Variants in EFCAB11 observed in about 807,000 individuals in gnomAD.
EFCAB11 encodes EF-hand calcium-binding domain-containing protein 11.
In EFCAB11, 14 loss-of-function variants were observed where a neutral mutation model predicts 23.0. The observed-to-expected ratio is 0.61, with a 90% CI of 0.40 to 0.95. The LOEUF (loss-of-function observed/expected upper bound fraction) is 0.95, where lower values mean the gene tolerates loss of function less well. EFCAB11 is among the 40% of genes least tolerant of loss of function. The pLI is 0.00. For missense variants in EFCAB11, 198 were observed against 195.8 expected (o/e 1.01, Z -0.07); for synonymous variants, 65 against 66.6 (o/e 0.98, Z 0.11).
intron 5 of EFCAB11, among the ~76,000 whole-genome samples, chr14:89,904,948 C>A (rs1424410273): frequency 3.3e-5 from 5 of 152,120 alleles, no homozygotes; most frequent in Non-Finnish European, 7.4e-5. Context: ...ACCTAGACCA[C>A]CCCTCAGGTT....
chr14:89,877,531 T>G (rs1359624002), intron 5 of EFCAB11, among the ~76,000 whole-genome samples: 1 of 152,190 alleles, frequency 6.6e-6, no homozygotes, highest in Non-Finnish European at 1.5e-5. Context: ...CTAATACCAT[T>G]TTCCACAATT....
At chr14:89,870,413 T>A (rs1001315878) in intron 5 of EFCAB11, among the ~76,000 whole-genome samples, 10 of 152,096 alleles carry the variant, frequency 6.6e-5, no homozygotes, top group African/African-American at 2.4e-4. Context: ...GGGAAGACAC[T>A]ACCCTCCACT....
At chr14:89,902,293 C>T (rs1458717240) in intron 5 of EFCAB11, among the ~76,000 whole-genome samples, 3 of 152,182 alleles carry the variant, frequency 2.0e-5, no homozygotes, top group Non-Finnish European at 4.4e-5. Context: ...GCAACCCCTT[C>T]CCCATTCAAA....
intron 5 of EFCAB11, among the ~76,000 whole-genome samples, chr14:89,885,695 G>T: frequency 6.9e-6 from 1 of 144,578 alleles, no homozygotes; most frequent in East Asian, 2.0e-4. Flanking sequence ...AAGAGAGAAA[G>T]AGAGAGAAAG....
chr14:89,901,614 A>G (rs1187691047), intron 5 of EFCAB11, among the ~76,000 whole-genome samples: 1 of 152,216 alleles, frequency 6.6e-6, no homozygotes, highest in Non-Finnish European at 1.5e-5. Context: ...GACTTTGTAC[A>G]CTGGGAATGC....
chr14:89,873,195 G>A (rs369969725), intron 5 of EFCAB11, among the ~76,000 whole-genome samples: 3 of 152,122 alleles, frequency 2.0e-5, no homozygotes, highest in Admixed American at 6.5e-5. Context: ...CACATCTTAC[G>A]TGGCGGCAGG....
intron 5 of EFCAB11, among the ~76,000 whole-genome samples, chr14:89,879,161 G>A (rs1888529274): frequency 6.6e-6 from 1 of 151,732 alleles, no homozygotes. Flanking sequence ...TTAAGCTCTG[G>A]TGGACAAACT....
intron 5 of EFCAB11, among the ~76,000 whole-genome samples, chr14:89,835,674 C>A (rs1887056871): frequency 6.7e-6 from 1 of 149,038 alleles, no homozygotes; most frequent in African/African-American, 2.5e-5. Context: ...GTTGCCCAGG[C>A]TGGAGTGCAG....
intron 3 of EFCAB11, among the ~76,000 whole-genome samples, chr14:89,938,530 T>C (rs1306635280): frequency 6.6e-6 from 1 of 152,174 alleles, no homozygotes; most frequent in African/African-American, 2.4e-5. Context: ...TAATATTTTC[T>C]TCCAGCTTAC....
intron 3 of EFCAB11, among the ~76,000 whole-genome samples, chr14:89,936,334 G>C (rs2139818661): frequency 6.6e-6 from 1 of 152,304 alleles, no homozygotes; most frequent in East Asian, 1.9e-4. Flanking sequence ...TAACTCATGA[G>C]TATTTGGAGC....
chr14:89,799,970 G>A (rs1885716758), intron 5 of EFCAB11, among the ~76,000 whole-genome samples: 1 of 152,178 alleles, frequency 6.6e-6, no homozygotes, highest in Admixed American at 6.5e-5. Flanking sequence ...TGGATCACCT[G>A]AGGTCAGGAG....
At chr14:89,917,481 C>T (rs1415648673) in intron 5 of EFCAB11, among the ~76,000 whole-genome samples, 1 of 152,170 alleles carries the variant, frequency 6.6e-6, no homozygotes, top group East Asian at 1.9e-4. Flanking sequence ...ATTTCTTTAT[C>T]CATTCATCCA....
At chr14:89,847,752 AAAAAAAAG>A in intron 5 of EFCAB11, among the ~76,000 whole-genome samples, 1 of 145,082 alleles carries the variant, frequency 6.9e-6, no homozygotes. Context: ...AAAAAAAAAA[AAAAAAAAG>A]AAAGAAAGAA....
At chr14:89,952,032 G>A (rs923873195) in intron 2 of EFCAB11, among the ~76,000 whole-genome samples, 1 of 152,076 alleles carries the variant, frequency 6.6e-6, no homozygotes, top group Non-Finnish European at 1.5e-5. Flanking sequence ...TATTTCATTT[G>A]CTCAAAAGCA....
In EFCAB11 at chr14:89,797,111, T is replaced by C; in HGVS notation, c.*132A>G. ...TGTATGTATACATATGCACCTACTA[T>C]GTACCCACAAAAATTAAAAATTTTT... On this transcript the variant is annotated 3_prime_UTR_variant, in exon 6 of 6. Coordinates refer to ENST00000316738, the MANE Select transcript of EFCAB11 (RefSeq NM_145231.4). The C allele has an allele frequency of 1.4e-6, 1 of 705,688 alleles. No homozygotes were observed. Among genetic ancestry groups the C allele is most frequent in the Middle Eastern group, 2.6e-4 (1 of 3,824 alleles). 43.7% of individuals were successfully genotyped at this position (705,688 alleles called of 1,614,324 possible).
chr14:89,882,762 A>G (rs2140177663), intron 5 of EFCAB11, among the ~76,000 whole-genome samples: 1 of 152,304 alleles, frequency 6.6e-6, no homozygotes, highest in African/African-American at 2.4e-5. Context: ...GGCAGAGCTA[A>G]AAAGTCCTAC....
intron 5 of EFCAB11, among the ~76,000 whole-genome samples, chr14:89,898,666 CTTT>C (rs36098790): frequency 5.0e-5 from 6 of 121,016 alleles, no homozygotes; most frequent in African/African-American, 1.3e-4. Context: ...CGCCTGGCCT[CTTT>C]TTTTTTTTTT....
At chr14:89,911,120 C>G (rs140758005) in intron 5 of EFCAB11, among the ~76,000 whole-genome samples, 20 of 152,162 alleles carry the variant, frequency 1.3e-4, no homozygotes, top group African/African-American at 4.1e-4. Context: ...TTAAAGCAAG[C>G]TAGTAAAATA....
intron 5 of EFCAB11, chr14:89,830,151 T>C (rs1183535652): frequency 6.6e-6 from 1 of 152,204 alleles, no homozygotes; most frequent in Non-Finnish European, 1.5e-5. Flanking sequence ...AGTAGCCTTA[T>C]TGGCAATTTT....
Sources: allele counts gnomAD v4.1 joint callset (sites outside exome capture counted in the v4.1 genomes callset), GRCh38; gene constraint gnomAD v4.1.1; transcripts MANE v1.5; gene names NCBI Gene and HGNC (gene_info 2026-07-23, HGNC 2026-07-21).